Variants in NIPBL observed in about 807,000 individuals in gnomAD.
NIPBL encodes the protein NIPBL cohesin loading factor, also known as nipped-B-like protein.
In NIPBL, 19 loss-of-function variants were observed where a neutral mutation model predicts 321.8. That is an observed-to-expected ratio of 0.06 (90% CI 0.04 to 0.09). The LOEUF (loss-of-function observed/expected upper bound fraction) is 0.09, where lower values mean the gene tolerates loss of function less well. Among genes scored for constraint, NIPBL ranks in the 10% least tolerant of loss-of-function variants. The pLI is 1.00. For synonymous variants in NIPBL, 1,106 were observed against 1,114.1 expected, an observed-to-expected ratio of 0.99 and a Z score of 0.14; for missense variants, 2,210 against 3,327.0, an observed-to-expected ratio of 0.66 and a Z score of 8.26.
At position 36,952,018 on chromosome 5, in the gene NIPBL, CTGTGTGTGTG is replaced by C. The variant is rs60067315; in HGVS notation, c.-79-1573_-79-1564del. On this transcript the variant is annotated intron_variant, in intron 1 of 46. Coordinates refer to ENST00000282516, the MANE Select transcript of NIPBL (RefSeq NM_133433.4). ...ATGCTTACTTTATAACTCTGTTAAA[CTGTGTGTGTG>C]TGTGTGTGTGTGTGTGTGTGTGTGT... 1.2e-3 allele frequency among the ~76,000 whole-genome samples: 124 copies of C among 101,958 alleles called. 2 individuals carry two copies. The East Asian group carries it at 0.018, about 15-fold the overall frequency. 66.9% of individuals were successfully genotyped at this position (101,958 alleles called of 152,430 possible). A position where few individuals can be genotyped will look rare whatever the true frequency, so the allele number is the denominator to read the frequency against.
At chr5:36,906,419 G>A (rs1319610058) in intron 1 of NIPBL, among the ~76,000 whole-genome samples, 2 of 152,102 alleles carry the variant, frequency 1.3e-5, no homozygotes, top group South Asian at 2.1e-4. Context: ...GGTTGCTGGG[G>A]TTACATAATT....
chr5:36,985,906 G>C lies in NIPBL; in HGVS notation c.2726G>C (p.Gly909Ala). Residue 909 changes from glycine to alanine, a missense_variant, in exon 10 of 47, where the codon GGT (glycine) becomes GCT (alanine). By Grantham distance (60) the Gly-to-Ala change is moderately conservative. Around this residue, in one of 14 missense-constraint regions of NIPBL, gnomAD observed 588 missense variants for 564.1 expected, o/e 1.04. Coordinates refer to ENST00000282516, the MANE Select transcript of NIPBL (RefSeq NM_133433.4). The stretch of plus-strand genomic sequence containing the variant: ...AATAAATCAAGATCTGATAAACTTG[G>C]TTTTAAATCACCAACTAGTAAAGAT... ...DSNKSRSDKL[G>A]FKSPTSKDDK... The C allele has an allele frequency of 6.2e-7, 1 of 1,613,840 alleles. No homozygotes were observed. Among genetic ancestry groups the C allele is most frequent in the South Asian group, 1.1e-5 (1 of 91,072 alleles).
chr5:36,985,615 A>T lies in NIPBL; in HGVS notation c.2435A>T (p.Glu812Val). The T allele has an allele frequency of 1.2e-6, 2 of 1,613,982 alleles. No homozygotes were observed. The highest frequency in any genetic ancestry group is 1.7e-6 in the Non-Finnish European group (2 of 1,179,974). Residue 812 changes from glutamate (E) to valine (V), a missense_variant, in exon 10 of 47, where the codon GAG (glutamate) becomes GTG (valine). Physicochemically the swap from Glu to Val is moderately radical, Grantham distance 121 (BLOSUM62 -2). Around this residue, in one of 14 missense-constraint regions of NIPBL, gnomAD observed 588 missense variants for 564.1 expected, o/e 1.04. Transcript: ENST00000282516. Reference sequence around the variant, plus strand: ...AGACCTGATGGGCGATCTGTTTCTGAGTCACTAAGACGTGACCATGATAAT... The same window carrying T: ...AGACCTGATGGGCGATCTGTTTCTGTGTCACTAAGACGTGACCATGATAAT... The part of the protein sequence containing the change: ...KQRPDGRSVS[E>V]SLRRDHDNKQ...
intron 34 of NIPBL, among the ~76,000 whole-genome samples, chr5:37,041,571 T>C (rs1395690221): frequency 2.7e-5 from 4 of 147,812 alleles, no homozygotes; most frequent in Admixed American, 6.8e-5. Context: ...GGCCTATTTC[T>C]TTTTTTTTTA....
chr5:37,035,232 C>A (rs1054085084), intron 32 of NIPBL, among the ~76,000 whole-genome samples: 21 of 152,222 alleles, frequency 1.4e-4, no homozygotes, highest in African/African-American at 4.8e-4. Context: ...GATTGTGCCA[C>A]TGCACTCCAG....
At chr5:37,064,406 G>A in intron 46 of NIPBL, 121 bp from the exon 47 acceptor site, 1 of 1,550,924 alleles carries the variant, frequency 6.4e-7, no homozygotes, top group Non-Finnish European at 8.7e-7. Context: ...TGCCGGCAAT[G>A]GAAGTGTGCC....
chr5:36,885,069 A>AT (rs58959442), intron 1 of NIPBL: 869 of 215,336 alleles, frequency 4.0e-3, no homozygotes, highest in South Asian at 8.2e-3. Context: ...TGCAGTTTTA[A>AT]TTTTTTTTTT....
chr5:37,048,410 G>C, intron 38 of NIPBL, 92 bp from the exon 39 acceptor site: 1 of 744,830 alleles, frequency 1.3e-6, no homozygotes, highest in Non-Finnish European at 1.9e-6. Flanking sequence ...TTTGAAATAA[G>C]GAGCCGTTTA....
chr5:37,058,186 C>T (rs1169087375), intron 43 of NIPBL, among the ~76,000 whole-genome samples: 1 of 152,164 alleles, frequency 6.6e-6, no homozygotes, highest in East Asian at 1.9e-4. Context: ...ACAGAATCTG[C>T]ATCTTCAACA....
intron 10 of NIPBL, among the ~76,000 whole-genome samples, chr5:36,993,467 A>AT (rs1745776460): frequency 6.6e-6 from 1 of 152,138 alleles, no homozygotes; most frequent in African/African-American, 2.4e-5. Flanking sequence ...ATTGTGAGTA[A>AT]TTTTTTTAAA....
At chr5:36,954,940 G>A (rs975338053) in intron 2 of NIPBL, 3 of 153,964 alleles carry the variant, frequency 1.9e-5, no homozygotes, top group Non-Finnish European at 4.3e-5. Flanking sequence ...GAGACAACTA[G>A]GAATTTGGAA....
chr5:36,930,425 T>C (rs1470917112), intron 1 of NIPBL, among the ~76,000 whole-genome samples: 1 of 152,088 alleles, frequency 6.6e-6, no homozygotes, highest in African/African-American at 2.4e-5. Flanking sequence ...AGCTGAGCTT[T>C]TTTTTGATTC....
intron 9 of NIPBL, among the ~76,000 whole-genome samples, chr5:36,982,005 A>T (rs1244846065): frequency 1.3e-5 from 2 of 151,728 alleles, no homozygotes; most frequent in Admixed American, 1.3e-4. Context: ...TTCATTTATC[A>T]CTTGTAGATT....
chr5:36,882,655 T>C (rs1038033995), intron 1 of NIPBL, among the ~76,000 whole-genome samples: 29 of 151,972 alleles, frequency 1.9e-4, no homozygotes, highest in Admixed American at 6.5e-4. Flanking sequence ...GTAGCAAACC[T>C]AGCAAGTGTT....
intron 1 of NIPBL, among the ~76,000 whole-genome samples, chr5:36,904,263 G>A (rs1053035651): frequency 6.6e-6 from 1 of 152,266 alleles, no homozygotes; most frequent in Non-Finnish European, 1.5e-5. Context: ...AAGGTCAGGA[G>A]TTTGAGCCCA....
chr5:36,985,230 A>G lies in NIPBL; in HGVS notation c.2050A>G (p.Asn684Asp), dbSNP rs1744621039. The G allele has an allele frequency of 6.2e-7, 1 of 1,613,826 alleles. No individual in the cohort carries two copies. Among genetic ancestry groups the G allele is most frequent in the Non-Finnish European group, 8.5e-7 (1 of 1,179,946 alleles). The part of the protein sequence containing the change: ...NENRLSDTKP[N>D]DNKQNNGRSE... ...AAATAGACTGTCTGACACAAAACCA[A>G]ATGACAACAAACAAAATAATGGCAG... The change falls in exon 10 of 47, where the codon AAT (asparagine) becomes GAT (aspartate). Residue 684 changes from asparagine to aspartate, a missense_variant. Transcript: ENST00000282516.
intron 1 of NIPBL, among the ~76,000 whole-genome samples, chr5:36,912,526 G>A (rs1748125704): frequency 6.8e-6 from 1 of 147,350 alleles, no homozygotes; most frequent in African/African-American, 2.5e-5. Context: ...TTTTGGGGAT[G>A]GAATCTCACT....
intron 1 of NIPBL, among the ~76,000 whole-genome samples, chr5:36,911,187 G>A (rs72734682): frequency 0.017 from 2,653 of 152,292 alleles, 32 homozygotes; most frequent in Middle Eastern, 0.041. Context: ...CATAGCATCT[G>A]GAGAGCTTTT....
chr5:36,976,091 A>G lies in NIPBL; in HGVS notation c.1184A>G (p.Gln395Arg). The G allele has an allele frequency of 6.2e-7, 1 of 1,614,070 alleles. No individual in the cohort carries two copies. The highest frequency in any genetic ancestry group is 1.3e-5 in the African/African-American group (1 of 75,064). The change falls in exon 9 of 47, where the codon CAG becomes CGG. Residue 395 changes from glutamine (Q) to arginine (R), a missense_variant. By Grantham distance (43) the Gln-to-Arg change is conservative. Around this residue, in one of 14 missense-constraint regions of NIPBL, gnomAD observed 464 missense variants for 529.5 expected, o/e 0.88. Coordinates refer to ENST00000282516, the MANE Select transcript of NIPBL (RefSeq NM_133433.4). ...GAAAATGATATTCCTTTTAATGTGC[A>G]GTACCCAGGACAGACTTCAAAAACA... Reference protein sequence around the residue: ...VSENDIPFNVQYPGQTSKTPI... With the variant: ...VSENDIPFNVRYPGQTSKTPI...
Sources: gnomAD v4.1 joint callset for allele counts (sites outside exome capture counted in the v4.1 genomes callset) on GRCh38, gnomAD v4.1.1 for gene constraint, gnomAD v4.1.1 regional missense constraint, MANE v1.5 for transcripts, NCBI Gene and HGNC (gene_info 2026-07-23, HGNC 2026-07-21) for gene names.